TMPRSS7: variants seen among roughly 807,000 people sequenced by gnomAD.
TMPRSS7 encodes transmembrane protease serine 7.
In TMPRSS7, 81 loss-of-function variants were observed where a neutral mutation model predicts 95.6. The ratio of observed to expected loss-of-function variants is 0.85; its 90% CI spans 0.71 to 1.02. The LOEUF (loss-of-function observed/expected upper bound fraction) is 1.02, where lower values mean the gene tolerates loss of function less well. TMPRSS7 is among the 50% of genes least tolerant of loss of function. The probability of loss-of-function intolerance (pLI) is 0.00; values close to 1 mark genes in which losing one functional copy is unlikely to be tolerated. For synonymous variants in TMPRSS7, 364 were observed against 337.8 expected (o/e 1.08, Z -0.85); for missense variants, 945 against 955.2 (o/e 0.99, Z 0.14).
At chr3:112,047,866 T>C in exon 7 of TMPRSS7, 1 of 1,614,070 alleles carries the variant, frequency 6.2e-7, no homozygotes, top group Non-Finnish European at 8.5e-7. Context: ...ACCTGATTCG[T>C]CTCTCAATCA....
chr3:112,046,017 A>G (rs987929866), intron 5 of TMPRSS7, 74 bp downstream of exon 5: 3 of 1,277,876 alleles, frequency 2.3e-6, no homozygotes, highest in African/African-American at 1.5e-5. Flanking sequence ...TATAGTCAAC[A>G]TTGTAATGAA....
intron 2 of TMPRSS7, chr3:112,039,490 C>T (rs947070362): frequency 6.7e-6 from 1 of 149,748 alleles, no homozygotes; most frequent in Non-Finnish European, 1.5e-5. Flanking sequence ...ACCAGAGAAA[C>T]CAACCACATG....
chr3:112,077,139 A>G (rs1338418334), exon 16 of TMPRSS7: 9 of 1,613,876 alleles, frequency 5.6e-6, no homozygotes, highest in Middle Eastern at 1.7e-4. Context: ...CGAAGACACG[A>G]AGCAGGTGTG....
Position 112,047,901 on chromosome 3 carries a change from ACT to A in TMPRSS7, c.894_895del (p.Asn298LysfsTer4). The A allele has an allele frequency of 6.2e-7, 1 of 1,614,084 alleles. No homozygotes were observed. Among genetic ancestry groups the A allele is most frequent in the Non-Finnish European group, 8.5e-7 (1 of 1,180,008 alleles). ...AAGTCCATCCAAATCGAAGCCGACAACTGTGTCACTGACTCCCTGACCATTTA... is the reference window on the plus strand; with the variant it reads ...AAGTCCATCCAAATCGAAGCCGACAAGTGTCACTGACTCCCTGACCATTTA... On this transcript the variant is annotated frameshift_variant, in exon 7 of 18. Transcript: ENST00000452346. LOFTEE classifies it high-confidence loss of function.
intron 3 of TMPRSS7, among the ~76,000 whole-genome samples, chr3:112,042,796 T>C (rs1438048303): frequency 2.0e-5 from 3 of 152,214 alleles, no homozygotes; most frequent in Non-Finnish European, 2.9e-5. Flanking sequence ...TCTTTGTGAG[T>C]ATCTCTGACT....
intron 12 of TMPRSS7, among the ~76,000 whole-genome samples, chr3:112,065,389 A>G (rs180733136): frequency 2.2e-4 from 33 of 152,314 alleles, no homozygotes; most frequent in Non-Finnish European, 3.8e-4. Flanking sequence ...AATTTGTCTT[A>G]GCTTATGGTT....
At chr3:112,074,507 T>G in intron 14 of TMPRSS7, 95 bp downstream of exon 14, 1 of 945,016 alleles carries the variant, frequency 1.1e-6, no homozygotes, top group Non-Finnish European at 1.6e-6. Context: ...TTTCCCTTGA[T>G]CGAGGTTGCC....
intron 16 of TMPRSS7, among the ~76,000 whole-genome samples, chr3:112,077,347 C>G (rs1326839408): frequency 2.0e-5 from 3 of 152,116 alleles, no homozygotes; most frequent in Non-Finnish European, 4.4e-5. Context: ...GCAGGGCTCA[C>G]CTTATAAAGA....
At chr3:112,075,606 C>A (rs1197437709) in intron 15 of TMPRSS7, 114 bp downstream of exon 15, 3 of 976,896 alleles carry the variant, frequency 3.1e-6, no homozygotes, top group Admixed American at 3.2e-5. Context: ...AATTCAATTG[C>A]ACTTTCATTT....
intron 2 of TMPRSS7, among the ~76,000 whole-genome samples, chr3:112,041,149 T>C (rs2073202858): frequency 6.6e-6 from 1 of 151,402 alleles, no homozygotes; most frequent in Admixed American, 6.6e-5. Flanking sequence ...AAAACAACTG[T>C]TGTTTTATAT....
In TMPRSS7 at chr3:112,067,235, G is replaced by A. The variant is rs368253216; in HGVS notation, c.1666+733G>A. Among the ~76,000 whole-genome samples the A allele has an allele frequency of 2.3e-4, 35 of 152,334 alleles. No homozygotes were observed. In the East Asian group the frequency reaches 5.2e-3, roughly 23 times the overall value. ...TTCTTAATCCAGTCTATCATTGATG[G>A]ACGTTTGGGTTGGGTCCAAGTCTTT... On this transcript the variant is annotated intron_variant, in intron 13 of 17. Coordinates refer to ENST00000452346, the Ensembl canonical transcript of TMPRSS7.
exon 11 of TMPRSS7, chr3:112,061,904 C>T (rs753165112): frequency 3.1e-6 from 5 of 1,610,158 alleles, no homozygotes; most frequent in Non-Finnish European, 4.2e-6. Context: ...CAGAATATGG[C>T]AGTTACAACA....
At chr3:112,058,891 A>G (rs2107750213) in intron 10 of TMPRSS7, among the ~76,000 whole-genome samples, 1 of 152,342 alleles carries the variant, frequency 6.6e-6, no homozygotes, top group African/African-American at 2.4e-5. Context: ...CTGAAATCCT[A>G]TCAGATTCAT....
intron 17 of TMPRSS7, among the ~76,000 whole-genome samples, chr3:112,080,143 T>G (rs1487794963): frequency 6.6e-6 from 1 of 152,212 alleles, no homozygotes; most frequent in African/African-American, 2.4e-5. Context: ...TCTGAGTAAG[T>G]TGCAAGATTA....
chr3:112,078,167 C>T lies in TMPRSS7; in HGVS notation c.2225-575C>T, dbSNP rs2073735707. On this transcript the variant is annotated intron_variant, in intron 16 of 17. Coordinates refer to ENST00000452346, the Ensembl canonical transcript of TMPRSS7. ...CTTGTAACTTTGATAGGTTACTGTGCTCAGTGCTTTGATTACATTATCATA... is the reference window on the plus strand; with the variant it reads ...CTTGTAACTTTGATAGGTTACTGTGTTCAGTGCTTTGATTACATTATCATA... Among the ~76,000 whole-genome samples, 4 of 152,182 alleles carry T rather than the reference C, an allele frequency of 2.6e-5. No homozygotes were observed. The South Asian group carries it at 8.3e-4, about 32-fold the overall frequency.
At chr3:112,040,664 A>G (rs1193180904) in intron 2 of TMPRSS7, among the ~76,000 whole-genome samples, 3 of 152,194 alleles carry the variant, frequency 2.0e-5, no homozygotes, top group Non-Finnish European at 4.4e-5. Context: ...CTGTCCTAGC[A>G]TTTTTACATA....
intron 10 of TMPRSS7, among the ~76,000 whole-genome samples, chr3:112,060,842 T>C (rs2073494298): frequency 1.3e-5 from 2 of 152,118 alleles, no homozygotes; most frequent in South Asian, 2.1e-4. Context: ...GGGGAAGTGA[T>C]AAGTGTCCAT....
intron 12 of TMPRSS7, 57 bp downstream of exon 12, chr3:112,063,689 A>G: frequency 7.3e-7 from 1 of 1,372,844 alleles, no homozygotes; most frequent in Non-Finnish European, 1.0e-6. Context: ...TCTCAGGACC[A>G]TGATTGCTGC....
chr3:112,076,180 A>C (rs1218618784), intron 15 of TMPRSS7, among the ~76,000 whole-genome samples: 4 of 152,164 alleles, frequency 2.6e-5, no homozygotes, highest in Admixed American at 2.6e-4. Context: ...AGTGACCAAA[A>C]TTTTGGGGCT....
Sources: allele counts gnomAD v4.1 joint callset (sites outside exome capture counted in the v4.1 genomes callset), GRCh38; gene constraint gnomAD v4.1.1; transcripts MANE v1.5; gene names NCBI Gene and HGNC (gene_info 2026-07-23, HGNC 2026-07-21).